Variants in ERAP1 observed in about 807,000 individuals in gnomAD.
The protein encoded by ERAP1 is endoplasmic reticulum aminopeptidase 1.
ERAP1 carries 86 observed loss-of-function variants against 103.7 expected under a neutral mutation model. That is an observed-to-expected ratio of 0.83 (90% CI 0.70 to 0.99). The LOEUF (loss-of-function observed/expected upper bound fraction) is 0.99. Ranked by LOEUF, ERAP1 falls within the 50% of genes least tolerant of loss-of-function variation. The probability of loss-of-function intolerance (pLI) is 0.00; values close to 1 mark genes in which losing one functional copy is unlikely to be tolerated. For missense variants in ERAP1, 1,009 were observed against 1,128.4 expected (o/e 0.89, Z 1.52); for synonymous variants, 398 against 402.4 (o/e 0.99, Z 0.13).
the ERAP1 span, chr5:96,896,333 C>A: frequency 6.5e-7 from 1 of 1,537,794 alleles, no homozygotes; most frequent in South Asian, 1.1e-5. Context: ...TTTACAGTGT[C>A]AAATAGAAAC....
chr5:96,914,641 T>C, the ERAP1 span, among the ~76,000 whole-genome samples: 1 of 152,214 alleles, frequency 6.6e-6, no homozygotes, highest in African/African-American at 2.4e-5. Context: ...ACCATATTTT[T>C]TTCTGAGCTG....
At chr5:96,834,992 G>A in the ERAP1 span, among the ~76,000 whole-genome samples, 4 of 152,138 alleles carry the variant, frequency 2.6e-5, no homozygotes, top group South Asian at 6.2e-4. Context: ...GCACACAACC[G>A]ACTGAGAACC....
upstream of ERAP1, among the ~76,000 whole-genome samples, chr5:96,810,122 C>T (rs952229890): frequency 1.3e-5 from 2 of 152,210 alleles, no homozygotes; most frequent in Middle Eastern, 3.2e-3. Flanking sequence ...AGACTTTAGC[C>T]TGTCGCCCTG....
the ERAP1 span, among the ~76,000 whole-genome samples, chr5:96,819,056 G>A: frequency 1.3e-5 from 2 of 151,994 alleles, no homozygotes; most frequent in South Asian, 2.1e-4. Context: ...CTCCCGAGTA[G>A]CTGGGACTAC....
the ERAP1 span, among the ~76,000 whole-genome samples, chr5:96,878,450 AAT>A: frequency 6.6e-6 from 1 of 152,102 alleles, no homozygotes; most frequent in Non-Finnish European, 1.5e-5. Flanking sequence ...ATATATATAG[AAT>A]ATTCTTTGTG....
the ERAP1 span, among the ~76,000 whole-genome samples, chr5:96,870,380 A>G: frequency 2.4e-4 from 36 of 152,324 alleles, no homozygotes; most frequent in Admixed American, 1.1e-3. Flanking sequence ...ATGACCAAAC[A>G]TCTTCAGGTC....
the ERAP1 span, among the ~76,000 whole-genome samples, chr5:96,838,448 T>C: frequency 6.6e-6 from 1 of 152,204 alleles, no homozygotes; most frequent in Admixed American, 6.5e-5. Context: ...ACATGGTGGT[T>C]CAGAGGTGGA....
the ERAP1 span, among the ~76,000 whole-genome samples, chr5:96,856,365 T>TATATATATATATAGAGAG: frequency 4.5e-3 from 91 of 20,340 alleles, 3 homozygotes; most frequent in Non-Finnish European, 7.2e-3. Flanking sequence ...TATATATATA[T>TATATATATATATAGAGAG]AGAGAGAGAG....
At chr5:96,896,955 G>T in the ERAP1 span, 4 of 1,097,294 alleles carry the variant, frequency 3.6e-6, no homozygotes, top group Non-Finnish European at 5.0e-6. Flanking sequence ...TATATTGTCA[G>T]TCAACCATAT....
chr5:96,840,744 T>A, the ERAP1 span, among the ~76,000 whole-genome samples: 1 of 151,516 alleles, frequency 6.6e-6, no homozygotes, highest in Non-Finnish European at 1.5e-5. Context: ...TCTCGCTTTG[T>A]CGCCATACTG....
In ERAP1 at chr5:96,792,108, T is replaced by C. The variant is rs139815574; in HGVS notation, c.1273A>G (p.Asn425Asp). The change falls in exon 8 of 19, where the codon AAT (asparagine) becomes GAT (aspartate). Residue 425 changes from asparagine to aspartate, a missense_variant. Around this residue, in one of 3 missense-constraint regions of ERAP1, gnomAD observed 611 missense variants for 651.7 expected, o/e 0.94. Transcript: ENST00000443439. ...SSHPVSTPVE[N>D]PAQIREMFDD... The stretch of plus-strand genomic sequence containing the variant: ...AACATCTCCCGGATCTGAGCAGGAT[T>C]TTCCACAGGTGTAGACACAGGGTGT... The C allele has an allele frequency of 6.2e-7, 1 of 1,614,110 alleles. No individual in the cohort carries two copies. Among genetic ancestry groups the C allele is most frequent in the Non-Finnish European group, 8.5e-7 (1 of 1,179,930 alleles).
the ERAP1 span, among the ~76,000 whole-genome samples, chr5:96,878,396 C>A: frequency 3.8e-5 from 1 of 26,240 alleles, no homozygotes; most frequent in African/African-American, 7.3e-5. Context: ...AGTTCAATGC[C>A]ATTCGTAGTA....
chr5:96,822,185 T>A, the ERAP1 span, among the ~76,000 whole-genome samples: 4 of 152,216 alleles, frequency 2.6e-5, no homozygotes, highest in Non-Finnish European at 5.9e-5. Context: ...TTGCTTCTAA[T>A]CAGGCTTCAA....
the ERAP1 span, among the ~76,000 whole-genome samples, chr5:96,862,025 G>C: frequency 0.26 from 40,039 of 152,160 alleles, 6,596 homozygotes; most frequent in Non-Finnish European, 0.37. Flanking sequence ...CTGTCACCCA[G>C]GTTGGAGTGC....
chr5:96,794,940 TGAG>T (rs1415262831), intron 5 of ERAP1, 99 bp downstream of exon 5: 64 of 1,426,204 alleles, frequency 4.5e-5, no homozygotes, highest in Non-Finnish European at 5.9e-5. Flanking sequence ...TTTTGTGGCT[TGAG>T]GGGCTGCTGA....
chr5:96,874,184 G>GAAAGAA, the ERAP1 span, among the ~76,000 whole-genome samples: 2 of 119,360 alleles, frequency 1.7e-5, no homozygotes, highest in South Asian at 3.1e-4. Context: ...GAAAGAAAGA[G>GAAAGAA]AGAGAGAAAG....
chr5:96,817,843 G>A, the ERAP1 span, among the ~76,000 whole-genome samples: 1 of 152,192 alleles, frequency 6.6e-6, no homozygotes, highest in East Asian at 1.9e-4. Context: ...TCTCCCACCA[G>A]TGCTACTGTT....
rs1295760040 is a variant in ERAP1 at position 96,785,703 on chromosome 5, A to G, written c.1943+85T>C. On this transcript the variant is annotated intron_variant, in intron 13 of 18. Transcript: ENST00000443439. ...CCTTTCAACTTCTTGTTATCAATCA[A>G]TCATTTTTGTCTTTAGAAATCAAGA... The G allele has an allele frequency of 5.6e-6, 8 of 1,428,846 alleles. No individual in the cohort carries two copies. In the South Asian group the frequency reaches 8.3e-5, roughly 15 times the overall value. 88.5% of individuals were successfully genotyped at this position (1,428,846 alleles called of 1,614,324 possible). A position where few individuals can be genotyped will look rare whatever the true frequency, so the allele number is the denominator to read the frequency against.
At chr5:96,790,221 G>A in intron 10 of ERAP1, 75 bp downstream of exon 10, 1 of 1,335,840 alleles carries the variant, frequency 7.5e-7, no homozygotes, top group Non-Finnish European at 1.1e-6. Context: ...AGAAAGTTTG[G>A]CACAGAGCTG....
Sources: gnomAD v4.1 joint callset for allele counts (sites outside exome capture counted in the v4.1 genomes callset) on GRCh38, gnomAD v4.1.1 for gene constraint, gnomAD v4.1.1 regional missense constraint, MANE v1.5 for transcripts, NCBI Gene and HGNC (gene_info 2026-07-23, HGNC 2026-07-21) for gene names.